The following CDK6 variants were observed in gnomAD, a reference collection of about 807,000 sequenced individuals.
The protein encoded by CDK6 is cyclin-dependent kinase 6.
CDK6 carries 6 observed loss-of-function variants against 37.1 expected under a neutral mutation model. The ratio of observed to expected loss-of-function variants is 0.16; its 90% CI spans 0.09 to 0.32. CDK6 has a LOEUF of 0.32. CDK6 is among the 10% of genes least tolerant of loss of function. The pLI is 1.00. For synonymous variants in CDK6, 160 were observed against 161.3 expected (o/e 0.99, Z 0.06); for missense variants, 224 against 418.9 (o/e 0.53, Z 4.06).
At chr7:92,650,889 T>C (rs1796557317) in intron 5 of CDK6, among the ~76,000 whole-genome samples, 1 of 151,906 alleles carries the variant, frequency 6.6e-6, no homozygotes, top group African/African-American at 2.4e-5. Flanking sequence ...CTGAGAAAAT[T>C]CTCTCTCTTT....
At chr7:92,696,865 T>C (rs899692317) in intron 4 of CDK6, among the ~76,000 whole-genome samples, 7 of 152,076 alleles carry the variant, frequency 4.6e-5, no homozygotes, top group African/African-American at 1.7e-4. Flanking sequence ...GAGAAGAAAA[T>C]GAAAAGCAAC....
chr7:92,608,987 T>G lies in CDK6; in HGVS notation c.*6153A>C, dbSNP rs1795498494. 2.1e-5 allele frequency: 5 copies of G among 233,198 alleles called. No homozygotes were observed. The South Asian group carries it at 9.0e-4, about 42-fold the overall frequency. 14.4% of individuals were successfully genotyped at this position (233,198 alleles called of 1,614,324 possible). ...GTTATAACAAACCCTGGGGTGGAAT[T>G]CGGCCTTTCGCATAGGGGCTTTAAC... On this transcript the variant is annotated 3_prime_UTR_variant, in exon 8 of 8. Coordinates refer to ENST00000424848, the MANE Select transcript of CDK6 (RefSeq NM_001145306.2).
At chr7:92,812,421 AT>A (rs34354863) in intron 2 of CDK6, among the ~76,000 whole-genome samples, 19,336 of 144,104 alleles carry the variant, frequency 0.13, 1,849 homozygotes, top group African/African-American at 0.28. Context: ...TTCTCATTCA[AT>A]TTTTTTTTTT....
intron 3 of CDK6, among the ~76,000 whole-genome samples, chr7:92,744,287 G>A (rs1256746678): frequency 6.6e-6 from 1 of 152,164 alleles, no homozygotes; most frequent in African/African-American, 2.4e-5. Flanking sequence ...CAAAGGAGGA[G>A]AAAAGTCACA....
chr7:92,621,683 G>A (rs973417482), intron 6 of CDK6, among the ~76,000 whole-genome samples: 1 of 152,112 alleles, frequency 6.6e-6, no homozygotes. Flanking sequence ...GGAGTTCATC[G>A]AGTGATTAAA....
At position 92,609,603 on chromosome 7, in the gene CDK6, A is replaced by G. The variant is rs1168986093; in HGVS notation, c.*5537T>C. On this transcript the variant is annotated 3_prime_UTR_variant, in exon 8 of 8. Transcript: ENST00000424848. ...TACTCATTTTGCTCACCTGATCTTT[A>G]AATTAGGATTTTAAAATTTAATCAA... 4.3e-6 allele frequency: 1 copy of G among 230,500 alleles called. No individual in the cohort carries two copies. The highest frequency in any genetic ancestry group is 8.6e-6 in the Non-Finnish European group (1 of 116,470). The allele number at this position is 230,500 out of a possible 1,614,324, so 14.3% of individuals were successfully genotyped here. A position where few individuals can be genotyped will look rare whatever the true frequency, so the allele number is the denominator to read the frequency against.
intron 2 of CDK6, among the ~76,000 whole-genome samples, chr7:92,784,797 T>C (rs113107265): frequency 1.2e-4 from 19 of 152,314 alleles, no homozygotes; most frequent in African/African-American, 4.1e-4. Flanking sequence ...TACATAGGTG[T>C]TCAATAAATA....
chr7:92,694,914 T>C (rs1797674195), intron 4 of CDK6, among the ~76,000 whole-genome samples: 2 of 152,158 alleles, frequency 1.3e-5, no homozygotes, highest in South Asian at 4.1e-4. Flanking sequence ...CTGGTTCGTG[T>C]CTTTAGAAAT....
intron 2 of CDK6, among the ~76,000 whole-genome samples, chr7:92,776,724 C>G (rs1799860620): frequency 6.6e-6 from 1 of 152,124 alleles, no homozygotes; most frequent in Non-Finnish European, 1.5e-5. Flanking sequence ...GAGAAAATGT[C>G]TGTTCATATC....
At chr7:92,807,705 C>G (rs1800763749) in intron 2 of CDK6, among the ~76,000 whole-genome samples, 1 of 151,910 alleles carries the variant, frequency 6.6e-6, no homozygotes, top group Non-Finnish European at 1.5e-5. Flanking sequence ...AATTTTATAC[C>G]TAACCAAGCA....
At chr7:92,796,057 G>C (rs1483668078) in intron 2 of CDK6, among the ~76,000 whole-genome samples, 1 of 146,322 alleles carries the variant, frequency 6.8e-6, no homozygotes, top group East Asian at 2.0e-4. Flanking sequence ...GGAGGACAAA[G>C]GTAACACCAC....
At chr7:92,659,536 AC>A (rs758212239) in intron 5 of CDK6, among the ~76,000 whole-genome samples, 1 of 152,012 alleles carries the variant, frequency 6.6e-6, no homozygotes, top group Non-Finnish European at 1.5e-5. Flanking sequence ...GCTGGTTTAT[AC>A]TTTTATAGAT....
chr7:92,810,824 G>A (rs1800861456), intron 2 of CDK6, among the ~76,000 whole-genome samples: 1 of 152,158 alleles, frequency 6.6e-6, no homozygotes, highest in African/African-American at 2.4e-5. Context: ...TGTAATCCCA[G>A]CACTTTGGGA....
At chr7:92,659,174 CTTCT>C (rs1796776601) in intron 5 of CDK6, among the ~76,000 whole-genome samples, 1 of 152,160 alleles carries the variant, frequency 6.6e-6, no homozygotes, top group Non-Finnish European at 1.5e-5. Context: ...GTCTCTGTTT[CTTCT>C]TTAATTTATC....
intron 2 of CDK6, among the ~76,000 whole-genome samples, chr7:92,831,064 G>A (rs977780094): frequency 1.3e-5 from 2 of 152,172 alleles, no homozygotes; most frequent in African/African-American, 4.8e-5. Flanking sequence ...ACTTTAACAG[G>A]TAGGTGCCAT....
intron 5 of CDK6, among the ~76,000 whole-genome samples, chr7:92,629,358 G>T (rs1411290137): frequency 6.6e-6 from 1 of 152,094 alleles, no homozygotes; most frequent in Non-Finnish European, 1.5e-5. Flanking sequence ...TTTATCCACA[G>T]AGGGCTCATA....
Position 92,834,653 on chromosome 7 carries a change from C to CA in CDK6, c.-367-964dup, listed in dbSNP as rs771594539. On this transcript the variant is annotated intron_variant, in intron 1 of 7. Transcript: ENST00000424848. The surrounding 1 kb of genome is among the most constrained non-coding windows in gnomAD (Gnocchi z 4.6). Reference sequence around the variant, plus strand: ...AGTTTTAAACTGATTTCGACCTGAGCAAAACTCAACCTCCCTTTCAAAGGG... The same window carrying CA: ...AGTTTTAAACTGATTTCGACCTGAGCAAAAACTCAACCTCCCTTTCAAAGGG... Among the ~76,000 whole-genome samples, 1 of 142,274 alleles carries CA rather than the reference C, an allele frequency of 7.0e-6. No individual in the cohort carries two copies. The highest frequency in any genetic ancestry group is 1.5e-5 in the Non-Finnish European group (1 of 66,490). 93.3% of individuals were successfully genotyped at this position (142,274 alleles called of 152,430 possible).
chr7:92,710,637 G>A (rs1798067959), intron 4 of CDK6: 1 of 916,264 alleles, frequency 1.1e-6, no homozygotes, highest in Non-Finnish European at 1.3e-6. Flanking sequence ...AAAAAAATCT[G>A]AAGATTCTAG....
intron 2 of CDK6, among the ~76,000 whole-genome samples, chr7:92,781,941 T>G (rs543081223): frequency 6.6e-6 from 1 of 152,226 alleles, no homozygotes; most frequent in Admixed American, 6.5e-5. Context: ...CACTGTATTC[T>G]CTTTTTTGCT....
Sources: gnomAD v4.1 joint callset for allele counts (sites outside exome capture counted in the v4.1 genomes callset) on GRCh38, gnomAD v4.1.1 for gene constraint, Gnocchi (gnomAD v3.1) non-coding constraint, MANE v1.5 for transcripts, NCBI Gene and HGNC (gene_info 2026-07-23, HGNC 2026-07-21) for gene names.